The following KIRREL2 variants were observed in gnomAD, a reference collection of about 807,000 sequenced individuals.
KIRREL2 encodes kirre like nephrin family adhesion molecule 2.
A neutral mutation model predicts 73.4 loss-of-function variants in KIRREL2; 56 were observed. The observed-to-expected ratio is 0.76, with a 90% CI of 0.62 to 0.95. KIRREL2 has a LOEUF of 0.95. Among genes scored for constraint, KIRREL2 ranks in the 40% least tolerant of loss-of-function variants. The pLI is 0.00. For synonymous variants in KIRREL2, 407 were observed against 404.0 expected, an observed-to-expected ratio of 1.01 and a Z score of -0.09; for missense variants, 896 against 935.0, an observed-to-expected ratio of 0.96 and a Z score of 0.54.
intron 11 of KIRREL2, 60 bp downstream of exon 11, chr19:35,862,084 T>TC (rs1293690561): frequency 6.9e-7 from 1 of 1,445,756 alleles, no homozygotes; most frequent in African/African-American, 1.4e-5. Flanking sequence ...AACGCAGGGA[T>TC]CCCCCAGCCG....
rs1325647932 is a variant in KIRREL2, at chr19:35,866,605, G to T, written c.*113G>T. 1 of 1,436,732 alleles carries T rather than the reference G, an allele frequency of 7.0e-7. No homozygotes were observed. The highest frequency in any genetic ancestry group is 2.3e-5 in the East Asian group (1 of 43,958). The allele number at this position is 1,436,732 out of a possible 1,614,324, so 89.0% of individuals were successfully genotyped here. On this transcript the variant is annotated 3_prime_UTR_variant, in exon 15 of 15. Coordinates refer to ENST00000360202, the MANE Select transcript of KIRREL2 (RefSeq NM_199180.4). The stretch of plus-strand genomic sequence containing the variant: ...TTACTCCTCCAAAACTGAACACAAG[G>T]GGAGGGAAAGATCATTACATTTGTC...
upstream of KIRREL2, chr19:35,851,637 G>A (rs148104086): frequency 2.1e-5 from 34 of 1,613,770 alleles, 1 homozygote; most frequent in East Asian, 2.2e-5. Flanking sequence ...CAGAAGCCCC[G>A]GGGAACGGAG....
rs1599862389 is a variant in KIRREL2, at chr19:35,860,737, C to T, written c.928+70C>T. ...CTTTCAGGGCTGTTGAGGGTCGGGG[C>T]CTGGAGGGGCGGGGCCGGGAGAGCG... On this transcript the variant is annotated intron_variant, in intron 7 of 14. Transcript: ENST00000360202. 5.0e-6 allele frequency: 8 copies of T among 1,590,696 alleles called. No individual in the cohort carries two copies. In the South Asian group the frequency reaches 8.8e-5, roughly 18 times the overall value.
chr19:35,860,430 G>A (rs1457580984), intron 6 of KIRREL2, 28 bp downstream of exon 6: 3 of 1,609,500 alleles, frequency 1.9e-6, no homozygotes, highest in Non-Finnish European at 2.5e-6. Flanking sequence ...CCTCTCCCCA[G>A]CCCCAAGAGT....
chr19:35,860,462 C>A (rs1973615405), intron 6 of KIRREL2, 57 bp from the exon 7 acceptor site: 10 of 1,604,814 alleles, frequency 6.2e-6, no homozygotes, highest in Non-Finnish European at 8.5e-6. Context: ...GGGCTGGGAC[C>A]TGAGTAGGTG....
chr19:35,857,212 G>A (rs1163492922), intron 1 of KIRREL2, 32 bp downstream of exon 1: 2 of 1,587,866 alleles, frequency 1.3e-6, no homozygotes, highest in East Asian at 2.2e-5. Context: ...GGAATATGGG[G>A]TGGGGGTGGG....
Position 35,860,687 on chromosome 19 carries a change from T to C in KIRREL2, c.928+20T>C, listed in dbSNP as rs1973630633. 1.2e-6 allele frequency: 2 copies of C among 1,600,190 alleles called. No homozygotes were observed. The highest frequency in any genetic ancestry group is 1.3e-5 in the African/African-American group (1 of 74,470). On this transcript the variant is annotated intron_variant, in intron 7 of 14. Transcript: ENST00000360202. The stretch of plus-strand genomic sequence containing the variant: ...TGCTGTGTGAGCTGGGGCCGGCCTG[T>C]GGGTGTGGTCAAAGGTGGCCGTGGC...
chr19:35,862,366 A>G (rs1973731624), intron 11 of KIRREL2, 127 bp from the exon 12 acceptor site: 1 of 751,088 alleles, frequency 1.3e-6, no homozygotes, highest in Admixed American at 2.2e-5. Flanking sequence ...GGGAACCCCA[A>G]ATTCAAGGGC....
chr19:35,862,097 G>A (rs899243814), intron 11 of KIRREL2, 73 bp downstream of exon 11: 2 of 1,361,330 alleles, frequency 1.5e-6, no homozygotes, highest in African/African-American at 2.9e-5. Flanking sequence ...CCCAGCCGAG[G>A]GCTGCAAAAC....
At position 35,861,851 on chromosome 19, in the gene KIRREL2, G is replaced by C. The variant is rs1238118876; in HGVS notation, c.1337G>C (p.Arg446Pro). The change falls in exon 11 of 15, where the codon CGG becomes CCG. Residue 446 changes from arginine (R) to proline (P), a missense_variant. Arg to Pro is a moderately radical substitution (Grantham distance 103). Transcript: ENST00000360202. ...TTCCTGGAGGCGGGGTCGCAGGGCC[G>C]GTTCCTGGTGGAGACATTCCCTGCC... Reference protein sequence around the residue: ...EGFLEAGSQGRFLVETFPAPE... With the variant: ...EGFLEAGSQGPFLVETFPAPE... The C allele has an allele frequency of 6.3e-7, 1 of 1,587,908 alleles. No homozygotes were observed. The highest frequency in any genetic ancestry group is 8.6e-7 in the Non-Finnish European group (1 of 1,167,130).
At chr19:35,851,950 C>T, upstream of KIRREL2, 2 of 872,134 alleles carry the variant, frequency 2.3e-6, no homozygotes, top group Non-Finnish European at 3.8e-6. Flanking sequence ...TCTTTTTTAT[C>T]TCTTTCCGTT....
At chr19:35,863,797 G>A (rs990545017) in intron 13 of KIRREL2, among the ~76,000 whole-genome samples, 1 of 142,656 alleles carries the variant, frequency 7.0e-6, no homozygotes, top group Non-Finnish European at 1.5e-5. Flanking sequence ...TTTTTGAGAC[G>A]GAGTCTTGGT....
At chr19:35,864,354 T>C (rs1973858678) in intron 13 of KIRREL2, among the ~76,000 whole-genome samples, 1 of 152,106 alleles carries the variant, frequency 6.6e-6, no homozygotes, top group Non-Finnish European at 1.5e-5. Flanking sequence ...CATGCCTGCC[T>C]ATTTTTTGCA....
chr19:35,864,176 T>TTTTTTG (rs1555768498), intron 13 of KIRREL2, among the ~76,000 whole-genome samples: 3 of 148,584 alleles, frequency 2.0e-5, no homozygotes, highest in South Asian at 2.1e-4. Flanking sequence ...ACAGCCCGTT[T>TTTTTTG]TTGTTGTTGT....
chr19:35,865,605 C>G (rs982933320), intron 14 of KIRREL2, among the ~76,000 whole-genome samples: 5 of 152,198 alleles, frequency 3.3e-5, no homozygotes, highest in African/African-American at 1.2e-4. Context: ...TGTGTTCCAC[C>G]CATCACAGCC....
upstream of KIRREL2, among the ~76,000 whole-genome samples, chr19:35,855,091 A>G (rs1181291701): frequency 6.6e-6 from 1 of 151,952 alleles, no homozygotes; most frequent in Non-Finnish European, 1.5e-5. Context: ...CTCAGCCCCC[A>G]GCTTCATCCT....
chr19:35,862,424 T>C, intron 11 of KIRREL2, 69 bp from the exon 12 acceptor site: 1 of 1,189,278 alleles, frequency 8.4e-7, no homozygotes, highest in South Asian at 1.2e-5. Flanking sequence ...AATCCCAAAC[T>C]CAATCCCTGA....
At chr19:35,856,705 C>T, upstream of KIRREL2, 1 of 348,980 alleles carries the variant, frequency 2.9e-6, no homozygotes, top group Non-Finnish European at 5.5e-6. The surrounding 1 kb of genome is among the most constrained non-coding windows in gnomAD (Gnocchi z 5.9). Context: ...TCCAACCCAG[C>T]CGGGACCCCC....
At chr19:35,864,562 C>A in intron 13 of KIRREL2, 86 bp from the exon 14 acceptor site, 1 of 1,083,856 alleles carries the variant, frequency 9.2e-7, no homozygotes, top group Non-Finnish European at 1.4e-6. Context: ...GCCTGGCCTC[C>A]ACTGGCTGGC....
Sources: allele counts gnomAD v4.1 joint callset (sites outside exome capture counted in the v4.1 genomes callset), GRCh38; gene constraint gnomAD v4.1.1; non-coding constraint Gnocchi (gnomAD v3.1); transcripts MANE v1.5; gene names NCBI Gene and HGNC (gene_info 2026-07-23, HGNC 2026-07-21).